The following NAV2 variants were observed in gnomAD, a reference collection of about 807,000 sequenced individuals.
NAV2 encodes the protein helicase, APC down-regulated 1.
In NAV2, 54 loss-of-function variants were observed where a neutral mutation model predicts 223.2. The observed-to-expected ratio is 0.24, with a 90% CI of 0.19 to 0.30. The LOEUF is 0.30. NAV2 is among the 10% of genes least tolerant of loss of function. NAV2 has a pLI of 1.00. For synonymous variants in NAV2, 1,279 were observed against 1,239.3 expected (o/e 1.03, Z -0.67); for missense variants, 2,806 against 3,147.5 (o/e 0.89, Z 2.60).
chr11:19,485,239 A>G lies in NAV2; in HGVS notation c.75+134212A>G, dbSNP rs571603660. ...TGCTTGGTGATGTCTCCTTATTCAC[A>G]AAGTGTAAATGTGGATATGTGGAGG... On this transcript the variant is annotated intron_variant, in intron 1 of 37. Coordinates refer to the NAV2 transcript ENST00000360655. Among the ~76,000 whole-genome samples, 4 of 152,276 alleles carry G rather than the reference A, an allele frequency of 2.6e-5. No homozygotes were observed. In the East Asian group the frequency reaches 7.7e-4, roughly 29 times the overall value.
chr11:19,920,454 A>AT (rs1292494512), intron 6 of NAV2, among the ~76,000 whole-genome samples: 4 of 151,918 alleles, frequency 2.6e-5, no homozygotes, highest in South Asian at 4.1e-4. Context: ...CGCCCAGCTA[A>AT]TTTTTTGTAT....
intron 27 of NAV2, among the ~76,000 whole-genome samples, chr11:20,091,959 A>G (rs1237077856): frequency 6.6e-6 from 1 of 152,172 alleles, no homozygotes; most frequent in Non-Finnish European, 1.5e-5. Flanking sequence ...CTCAAGCAGC[A>G]GACTCTGGGA....
chr11:19,575,458 C>G (rs1334916947), intron 1 of NAV2: 1 of 153,930 alleles, frequency 6.5e-6, no homozygotes, highest in Non-Finnish European at 1.5e-5. Flanking sequence ...TGCTCCACGC[C>G]TGGCCCTAGC....
chr11:19,595,268 C>T (rs2046175462), intron 1 of NAV2, among the ~76,000 whole-genome samples: 1 of 152,166 alleles, frequency 6.6e-6, no homozygotes, highest in African/African-American at 2.4e-5. Context: ...TAACCATGAC[C>T]AGGGAGCATC....
chr11:19,780,716 G>A (rs2056663643), intron 1 of NAV2, among the ~76,000 whole-genome samples: 1 of 152,228 alleles, frequency 6.6e-6, no homozygotes, highest in Admixed American at 6.5e-5. Context: ...TTTGAGCTCA[G>A]CGTTCTGCAA....
intron 1 of NAV2, among the ~76,000 whole-genome samples, chr11:19,477,773 T>C (rs1290119913): frequency 1.3e-5 from 2 of 152,176 alleles, no homozygotes; most frequent in Admixed American, 6.5e-5. Context: ...GAGGCTAGGA[T>C]TATGAACATC....
chr11:19,626,619 A>G (rs1022761253), intron 1 of NAV2, among the ~76,000 whole-genome samples: 6 of 152,190 alleles, frequency 3.9e-5, no homozygotes. Flanking sequence ...TGCTTTGGGT[A>G]GTATTGTCAT....
At chr11:19,549,355 C>T (rs1456710679) in intron 1 of NAV2, among the ~76,000 whole-genome samples, 3 of 152,170 alleles carry the variant, frequency 2.0e-5, no homozygotes, top group Non-Finnish European at 4.4e-5. Context: ...AGGTTGGCGT[C>T]CTATTCCCAA....
intron 4 of NAV2, among the ~76,000 whole-genome samples, chr11:19,876,524 T>C (rs1245332159): frequency 6.6e-6 from 1 of 152,136 alleles, no homozygotes; most frequent in Non-Finnish European, 1.5e-5. Context: ...CTGTTTGTTA[T>C]AAAAATGCTG....
At chr11:20,114,298 C>G in intron 36 of NAV2, 1 of 445,912 alleles carries the variant, frequency 2.2e-6, no homozygotes, top group Non-Finnish European at 4.0e-6. Context: ...ATTGGATTAT[C>G]AAGGCTCAGA....
intron 1 of NAV2, among the ~76,000 whole-genome samples, chr11:19,455,900 G>A (rs16936766): frequency 0.023 from 3,462 of 152,286 alleles, 124 homozygotes; most frequent in African/African-American, 0.079. Flanking sequence ...GGGCCTGCCC[G>A]GTTGCCATGG....
intron 3 of NAV2, 36 bp downstream of exon 3, chr11:19,842,959 G>A: frequency 6.3e-7 from 1 of 1,583,268 alleles, no homozygotes; most frequent in East Asian, 2.2e-5. Context: ...TTTGAGTTCT[G>A]TCAGCAAGCC....
At chr11:19,561,810 G>A (rs535842781) in intron 1 of NAV2, among the ~76,000 whole-genome samples, 1 of 152,296 alleles carries the variant, frequency 6.6e-6, no homozygotes, top group Admixed American at 6.5e-5. Flanking sequence ...ACTTGGCCAA[G>A]GCTCCACAGC....
intron 1 of NAV2, among the ~76,000 whole-genome samples, chr11:19,700,452 C>A (rs2049478594): frequency 6.6e-6 from 1 of 152,198 alleles, no homozygotes; most frequent in Non-Finnish European, 1.5e-5. Context: ...AGGTAAGAAA[C>A]TGAGGCTCAG....
At chr11:19,831,228 G>GGA (rs1555083757) in intron 1 of NAV2, among the ~76,000 whole-genome samples, 1 of 110,934 alleles carries the variant, frequency 9.0e-6, no homozygotes, top group African/African-American at 3.9e-5. Flanking sequence ...TGTTGCGGGG[G>GGA]GGGGGGGGGC....
chr11:19,644,292 G>T (rs2047753875), intron 1 of NAV2, among the ~76,000 whole-genome samples: 1 of 152,226 alleles, frequency 6.6e-6, no homozygotes, highest in Non-Finnish European at 1.5e-5. Context: ...ACTTGTCCTT[G>T]TGTATAGCCC....
intron 19 of NAV2, 97 bp from the exon 20 acceptor site, chr11:20,062,210 C>A: frequency 2.5e-6 from 2 of 808,054 alleles, no homozygotes; most frequent in Admixed American, 2.4e-5. Flanking sequence ...CATTCCAAGC[C>A]TGGAGTGTCC....
intron 1 of NAV2, among the ~76,000 whole-genome samples, chr11:19,585,767 T>C (rs1423176410): frequency 2.0e-5 from 3 of 152,236 alleles, no homozygotes; most frequent in African/African-American, 7.2e-5. Context: ...TCTGATGGGC[T>C]TCCCTTTGTG....
At chr11:19,920,973 C>T (rs1247409464) in intron 6 of NAV2, among the ~76,000 whole-genome samples, 4 of 152,176 alleles carry the variant, frequency 2.6e-5, no homozygotes, top group African/African-American at 4.8e-5. Context: ...AAAACAGACA[C>T]GTGGAGGAAA....
Sources: gnomAD v4.1 joint callset for allele counts (sites outside exome capture counted in the v4.1 genomes callset) on GRCh38, gnomAD v4.1.1 for gene constraint, MANE v1.5 for transcripts, NCBI Gene and HGNC (gene_info 2026-07-23, HGNC 2026-07-21) for gene names.